The following ZNF148 variants were observed in gnomAD, a reference collection of about 807,000 sequenced individuals.
ZNF148 encodes Beta-Enolase Repressor Factor-1.
Under a neutral mutation model 67.7 loss-of-function variants are expected in ZNF148, and 7 were observed. That is an observed-to-expected ratio of 0.10 (90% confidence interval 0.06 to 0.19). The LOEUF (loss-of-function observed/expected upper bound fraction) is 0.19. Among genes scored for constraint, ZNF148 ranks in the 10% least tolerant of loss-of-function variants. The probability of loss-of-function intolerance (pLI) is 1.00; values close to 1 mark genes in which losing one functional copy is unlikely to be tolerated. For missense variants in ZNF148, 583 were observed against 947.1 expected, an observed-to-expected ratio of 0.62 and a Z score of 5.05; for synonymous variants, 333 against 330.7, an observed-to-expected ratio of 1.01 and a Z score of -0.08.
chr3:125,360,060 C>T (rs969549295), intron 1 of ZNF148, among the ~76,000 whole-genome samples: 3 of 152,178 alleles, frequency 2.0e-5, no homozygotes, highest in Non-Finnish European at 1.5e-5. Flanking sequence ...TCAATATCCT[C>T]GCCCCTACAA....
At chr3:125,295,889 CT>C (rs1220495064) in intron 4 of ZNF148, among the ~76,000 whole-genome samples, 1 of 152,078 alleles carries the variant, frequency 6.6e-6, no homozygotes, top group Non-Finnish European at 1.5e-5. Flanking sequence ...TGAAAAGCAC[CT>C]TGAACACCTT....
intron 3 of ZNF148, among the ~76,000 whole-genome samples, chr3:125,319,514 G>T (rs1940675811): frequency 2.0e-5 from 3 of 152,104 alleles, no homozygotes; most frequent in Middle Eastern, 3.4e-3. Context: ...ATTAAAAACT[G>T]GGAAAAAAAT....
intron 1 of ZNF148, among the ~76,000 whole-genome samples, chr3:125,373,135 T>C (rs988281998): frequency 6.6e-6 from 1 of 151,180 alleles, no homozygotes; most frequent in Non-Finnish European, 1.5e-5. Flanking sequence ...TAAAATTGAG[T>C]ACAGCATACT....
intron 7 of ZNF148, among the ~76,000 whole-genome samples, chr3:125,256,263 G>A (rs2107560193): frequency 6.6e-6 from 1 of 152,108 alleles, no homozygotes; most frequent in African/African-American, 2.4e-5. Context: ...AGCTACTCGG[G>A]AGGCTGAGGC....
intron 3 of ZNF148, among the ~76,000 whole-genome samples, chr3:125,322,830 A>T (rs1940844463): frequency 6.6e-6 from 1 of 152,222 alleles, no homozygotes; most frequent in Non-Finnish European, 1.5e-5. Context: ...CTGCTTCCTT[A>T]TATTAGTGCA....
At chr3:125,368,417 G>A (rs945021725) in intron 1 of ZNF148, among the ~76,000 whole-genome samples, 3 of 152,136 alleles carry the variant, frequency 2.0e-5, no homozygotes, top group Admixed American at 1.3e-4. Flanking sequence ...TATCACCCCT[G>A]TTCAAAATAT....
intron 1 of ZNF148, among the ~76,000 whole-genome samples, chr3:125,353,816 G>A (rs1350971353): frequency 1.3e-5 from 2 of 152,022 alleles, no homozygotes; most frequent in Non-Finnish European, 2.9e-5. Flanking sequence ...GTTCATGCTT[G>A]TAATCCCAGC....
intron 1 of ZNF148, among the ~76,000 whole-genome samples, chr3:125,369,871 G>A (rs1225389985): frequency 6.8e-6 from 1 of 147,670 alleles, no homozygotes; most frequent in Non-Finnish European, 1.5e-5. Context: ...AGCTACTTGG[G>A]AGGCTGAGGC....
At chr3:125,312,704 A>G (rs1160534216) in intron 4 of ZNF148, among the ~76,000 whole-genome samples, 1 of 152,236 alleles carries the variant, frequency 6.6e-6, no homozygotes, top group Non-Finnish European at 1.5e-5. Flanking sequence ...TATCATAGAA[A>G]GAAGAGACAA....
intron 1 of ZNF148, among the ~76,000 whole-genome samples, chr3:125,358,627 C>T (rs1014877069): frequency 1.3e-5 from 2 of 152,334 alleles, no homozygotes; most frequent in Admixed American, 1.3e-4. Context: ...TCCAAATATT[C>T]TGTAACAATT....
intron 7 of ZNF148, among the ~76,000 whole-genome samples, chr3:125,247,582 G>C (rs12630804): frequency 0.77 from 117,196 of 151,878 alleles, 45,760 homozygotes; most frequent in African/African-American, 0.85. Context: ...GGATTACAGG[G>C]ACGTACCACC....
At chr3:125,279,815 C>T (rs1018306083) in intron 5 of ZNF148, among the ~76,000 whole-genome samples, 23 of 150,578 alleles carry the variant, frequency 1.5e-4, no homozygotes, top group African/African-American at 5.6e-4. Flanking sequence ...ATAAAAGGTA[C>T]ATATAGGAAT....
chr3:125,299,649 G>A (rs1026524433), intron 4 of ZNF148, among the ~76,000 whole-genome samples: 10 of 152,096 alleles, frequency 6.6e-5, no homozygotes, highest in Non-Finnish European at 1.3e-4. Context: ...GACCATGTTG[G>A]GTCAACTCCC....
At chr3:125,344,823 C>T in intron 1 of ZNF148, 1 of 356,888 alleles carries the variant, frequency 2.8e-6, no homozygotes, top group South Asian at 2.7e-5. Flanking sequence ...TGGAAGAGGA[C>T]TGAGGATGCA....
intron 1 of ZNF148, among the ~76,000 whole-genome samples, chr3:125,369,299 T>C (rs1443562395): frequency 1.3e-5 from 1 of 78,898 alleles, no homozygotes; most frequent in Non-Finnish European, 2.3e-5. Flanking sequence ...CATAGAAGCC[T>C]AGAAAGAACA....
chr3:125,288,730 A>G (rs1007563985), intron 4 of ZNF148, among the ~76,000 whole-genome samples: 2 of 152,218 alleles, frequency 1.3e-5, no homozygotes, highest in African/African-American at 4.8e-5. Flanking sequence ...CAAATTAACA[A>G]TGAAAATCTA....
chr3:125,251,984 G>T (rs544027050), intron 7 of ZNF148, among the ~76,000 whole-genome samples: 1 of 152,138 alleles, frequency 6.6e-6, no homozygotes, highest in Non-Finnish European at 1.5e-5. Context: ...CCATTCCAGG[G>T]TATATGCAAG....
intron 4 of ZNF148, among the ~76,000 whole-genome samples, chr3:125,302,257 GGTGCCAGCAACTTTGGAGGCAACA>G (rs1203472723): frequency 6.6e-6 from 1 of 150,616 alleles, no homozygotes; most frequent in Non-Finnish European, 1.5e-5. Context: ...ACACAACTGT[GGTGCCAGCAACTTTGGAGGCAACA>G]GTGAGAGGAT....
intron 4 of ZNF148, among the ~76,000 whole-genome samples, chr3:125,305,791 C>CAA (rs778876630): frequency 1.7e-4 from 14 of 81,980 alleles, no homozygotes; most frequent in African/African-American, 6.4e-4. Context: ...CCAGCACGGG[C>CAA]AAAAAAAAAA....
Sources: gnomAD v4.1 joint callset for allele counts (sites outside exome capture counted in the v4.1 genomes callset) on GRCh38, gnomAD v4.1.1 for gene constraint, MANE v1.5 for transcripts, NCBI Gene and HGNC (gene_info 2026-07-23, HGNC 2026-07-21) for gene names.